KAZN: variants seen among roughly 807,000 people sequenced by gnomAD.
The protein encoded by KAZN is kazrin.
A neutral mutation model predicts 87.4 loss-of-function variants in KAZN; 40 were observed. That is an observed-to-expected ratio of 0.46 (90% CI 0.36 to 0.60). The LOEUF (loss-of-function observed/expected upper bound fraction) is 0.60, where lower values mean the gene tolerates loss of function less well. Ranked by LOEUF, KAZN falls within the 20% of genes least tolerant of loss-of-function variation. The pLI is 0.00. For synonymous variants in KAZN, 466 were observed against 458.3 expected (o/e 1.02, Z -0.22); for missense variants, 898 against 1,073.9 (o/e 0.84, Z 2.29).
intron 1 of KAZN, among the ~76,000 whole-genome samples, chr1:14,137,525 A>T (rs755536513): frequency 1.3e-5 from 2 of 152,088 alleles, no homozygotes; most frequent in Non-Finnish European, 2.9e-5. Flanking sequence ...ACCACCTCTC[A>T]GCTGGGTGTC....
At chr1:14,274,836 ATTTC>A (rs1652222402) in intron 2 of KAZN, among the ~76,000 whole-genome samples, 1 of 150,550 alleles carries the variant, frequency 6.6e-6, no homozygotes, top group African/African-American at 2.4e-5. Flanking sequence ...CTCAATAAAT[ATTTC>A]TTTTTTTTTT....
intron 1 of KAZN, among the ~76,000 whole-genome samples, chr1:14,708,565 G>T (rs1216219313): frequency 6.6e-6 from 1 of 152,180 alleles, no homozygotes; most frequent in African/African-American, 2.4e-5. Flanking sequence ...TGACATCAGA[G>T]AGTTTTCACA....
At chr1:14,572,173 T>G (rs1428610567) in intron 2 of KAZN, among the ~76,000 whole-genome samples, 1 of 152,170 alleles carries the variant, frequency 6.6e-6, no homozygotes, top group East Asian at 1.9e-4. Flanking sequence ...ACTCAGTAGG[T>G]AACACTTTAC....
intron 1 of KAZN, among the ~76,000 whole-genome samples, chr1:14,054,776 G>A (rs910906048): frequency 2.6e-5 from 4 of 152,216 alleles, no homozygotes; most frequent in Admixed American, 6.5e-5. Context: ...CATTTATTGA[G>A]TTGTAGGTCA....
chr1:14,055,526 G>C (rs1642512904), intron 1 of KAZN, among the ~76,000 whole-genome samples: 1 of 152,184 alleles, frequency 6.6e-6, no homozygotes, highest in Non-Finnish European at 1.5e-5. Context: ...GAGTCAGGAG[G>C]TGGTAGGGAT....
At position 14,091,452 on chromosome 1, in the gene KAZN, T is replaced by C. The variant is rs201428785; in HGVS notation, c.92-88983T>C. ...GTATGTGTGCTTGTATGTGTGTGTGTGCATTCAGTTTTTCTAGCCTTAGGA... is the reference window on the plus strand; with the variant it reads ...GTATGTGTGCTTGTATGTGTGTGTGCGCATTCAGTTTTTCTAGCCTTAGGA... On this transcript the variant is annotated intron_variant, in intron 1 of 16. Coordinates refer to the KAZN transcript ENST00000636203. Among the ~76,000 whole-genome samples the C allele has an allele frequency of 1.7e-4, 26 of 152,332 alleles. No homozygotes were observed. The East Asian group carries it at 5.0e-3, about 29-fold the overall frequency.
intron 2 of KAZN, among the ~76,000 whole-genome samples, chr1:15,000,741 C>G (rs896389645): frequency 9.2e-5 from 14 of 151,896 alleles, no homozygotes; most frequent in Non-Finnish European, 1.6e-4. Flanking sequence ...CTGAAAAAGG[C>G]AGGGAAAGAG....
intron 1 of KAZN, among the ~76,000 whole-genome samples, chr1:14,917,640 G>A (rs1657953133): frequency 1.3e-5 from 2 of 152,128 alleles, no homozygotes; most frequent in South Asian, 4.1e-4. Flanking sequence ...TTTTACGGAT[G>A]GAGAACCTGA....
chr1:13,945,468 C>T (rs1362794909), intron 1 of KAZN, among the ~76,000 whole-genome samples: 1 of 93,554 alleles, frequency 1.1e-5, no homozygotes, highest in Non-Finnish European at 2.1e-5. Context: ...AGGGAGAGTC[C>T]GTCTCAAAAA....
chr1:15,107,894 A>G (rs560152290), intron 13 of KAZN, among the ~76,000 whole-genome samples: 1 of 152,222 alleles, frequency 6.6e-6, no homozygotes, highest in East Asian at 1.9e-4. Flanking sequence ...CTTTGTTCCA[A>G]AGGTTCAGTG....
intron 2 of KAZN, among the ~76,000 whole-genome samples, chr1:14,260,276 A>C (rs947499375): frequency 1.3e-5 from 2 of 152,346 alleles, no homozygotes; most frequent in East Asian, 3.9e-4. Context: ...CACGATAAAC[A>C]AAAGAAACAA....
chr1:14,807,418 T>G (rs373117319), intron 1 of KAZN, among the ~76,000 whole-genome samples: 1 of 152,180 alleles, frequency 6.6e-6, no homozygotes, highest in South Asian at 2.1e-4. Context: ...GAGTCTGTTC[T>G]CTTAACTGAC....
chr1:15,046,235 T>C (rs1573169611), intron 4 of KAZN, among the ~76,000 whole-genome samples: 1 of 146,354 alleles, frequency 6.8e-6, no homozygotes, highest in South Asian at 2.1e-4. Context: ...GAGGCGGAGG[T>C]TGCAGTGAGC....
chr1:14,810,939 G>A (rs1646390400), intron 1 of KAZN, among the ~76,000 whole-genome samples: 1 of 152,208 alleles, frequency 6.6e-6, no homozygotes, highest in Non-Finnish European at 1.5e-5. Context: ...TCCTTCTGAG[G>A]GCATAGGACA....
rs563509766 is a variant in KAZN, at chr1:14,856,581, A to G, written c.227-104103A>G. 9.2e-5 allele frequency among the ~76,000 whole-genome samples: 14 copies of G among 152,194 alleles called. No homozygotes were observed. The highest frequency in any genetic ancestry group is 3.2e-3 in the Middle Eastern group (1 of 316). ...ATTAGTATAAAACATTCCATATTTT[A>G]TTTCTATTTTGGTAGCTCAACAATT... On this transcript the variant is annotated intron_variant, in intron 1 of 14. Transcript: ENST00000376030. This position sits in a 1 kb window ranked among gnomAD's most constrained non-coding sequence, Gnocchi z 5.2.
chr1:14,015,916 C>T (rs1208673060), intron 1 of KAZN, among the ~76,000 whole-genome samples: 1 of 151,964 alleles, frequency 6.6e-6, no homozygotes, highest in Non-Finnish European at 1.5e-5. Flanking sequence ...TTCCAGAGCT[C>T]CACAACCTTT....
intron 2 of KAZN, among the ~76,000 whole-genome samples, chr1:14,336,981 C>G (rs1657316452): frequency 6.6e-6 from 1 of 152,090 alleles, no homozygotes; most frequent in Admixed American, 6.5e-5. Flanking sequence ...TGTTGCTTAT[C>G]TGGACAGACT....
In KAZN at chr1:14,392,469, T is replaced by C. The variant is rs374461488; in HGVS notation, c.250-206514T>C. ...TCTTCAGATGTTCAAGGCGGGACGA[T>C]TGCACACCAGACCCTGTGGAGGGTG... On this transcript the variant is annotated intron_variant, in intron 2 of 16. Coordinates refer to the KAZN transcript ENST00000636203. Among the ~76,000 whole-genome samples, 23 of 152,172 alleles carry C rather than the reference T, an allele frequency of 1.5e-4. No individual in the cohort carries two copies. The East Asian group carries it at 2.5e-3, about 17-fold the overall frequency.
At chr1:14,875,531 C>T (rs1414275305) in intron 1 of KAZN, among the ~76,000 whole-genome samples, 1 of 150,954 alleles carries the variant, frequency 6.6e-6, no homozygotes, top group East Asian at 1.9e-4. Flanking sequence ...TCAATGAAGC[C>T]ATTTCTTCCT....
Sources: allele counts gnomAD v4.1 joint callset (sites outside exome capture counted in the v4.1 genomes callset), GRCh38; gene constraint gnomAD v4.1.1; non-coding constraint Gnocchi (gnomAD v3.1); transcripts MANE v1.5; gene names NCBI Gene and HGNC (gene_info 2026-07-23, HGNC 2026-07-21).